Variants in ANK3 observed in about 807,000 individuals in gnomAD.
The protein encoded by ANK3 is ankyrin 3, also known as ankyrin-3.
In ANK3, 57 loss-of-function variants were observed where a neutral mutation model predicts 370.9. That is an observed-to-expected ratio of 0.15 (90% CI 0.12 to 0.19). The LOEUF (loss-of-function observed/expected upper bound fraction) is 0.19. Among genes scored for constraint, ANK3 ranks in the 10% least tolerant of loss-of-function variants. ANK3 has a pLI of 1.00. For missense variants in ANK3, 4,439 were observed against 5,302.1 expected, an observed-to-expected ratio of 0.84 and a Z score of 5.06; for synonymous variants, 1,929 against 1,946.3, an observed-to-expected ratio of 0.99 and a Z score of 0.23.
intron 17 of ANK3, among the ~76,000 whole-genome samples, chr10:60,181,865 T>C (rs1358768661): frequency 6.6e-6 from 1 of 152,136 alleles, no homozygotes; most frequent in Non-Finnish European, 1.5e-5. Context: ...TGACTATCTG[T>C]AGGCTGCATG....
rs533144261 is a variant in ANK3, at chr10:60,329,943, G to T, written c.115-50304C>A. On this transcript the variant is annotated intron_variant, in intron 1 of 43. Coordinates refer to ENST00000280772, the MANE Select transcript of ANK3 (RefSeq NM_020987.5). ...GTACTGGTACCAAGACAGATATATA[G>T]ACCAATGAAACAGAACAGAGGCCTC... Among the ~76,000 whole-genome samples, 216 of 152,210 alleles carry T rather than the reference G, an allele frequency of 1.4e-3. 1 individual carries two copies. Among genetic ancestry groups the T allele is most frequent in the South Asian group, 4.4e-3 (21 of 4,818 alleles).
At chr10:60,180,538 G>A (rs1344042451) in intron 18 of ANK3, among the ~76,000 whole-genome samples, 1 of 141,892 alleles carries the variant, frequency 7.0e-6, no homozygotes, top group Non-Finnish European at 1.5e-5. Context: ...GGAGGTTGCA[G>A]TGAGCCGAGG....
intron 1 of ANK3, among the ~76,000 whole-genome samples, chr10:60,706,361 A>G (rs376885611): frequency 1.3e-5 from 2 of 152,282 alleles, no homozygotes; most frequent in Non-Finnish European, 2.9e-5. Context: ...GCCAGCCCCA[A>G]GGTAACCTCC....
chr10:60,248,546 C>T (rs1461951826), intron 7 of ANK3, among the ~76,000 whole-genome samples: 1 of 152,152 alleles, frequency 6.6e-6, no homozygotes, highest in African/African-American at 2.4e-5. Context: ...AAGGACACCA[C>T]TGATTTTGAC....
At chr10:60,329,085 C>G (rs2050593775) in intron 1 of ANK3, among the ~76,000 whole-genome samples, 1 of 152,116 alleles carries the variant, frequency 6.6e-6, no homozygotes, top group Admixed American at 6.6e-5. Context: ...ATTCAACATC[C>G]CTTCATGCTA....
Position 60,117,200 on chromosome 10 carries a change from A to T in ANK3, c.2842-2869T>A, listed in dbSNP as rs184280216. Among the ~76,000 whole-genome samples, 6 of 152,300 alleles carry T rather than the reference A, an allele frequency of 3.9e-5. No homozygotes were observed. The East Asian group carries it at 1.2e-3, about 29-fold the overall frequency. On this transcript the variant is annotated intron_variant, in intron 25 of 43. Transcript: ENST00000280772. ...CTCTGAGGAAACTAATGGAAGATGT[A>T]CTCCACCAAAGTGAAGGACTGACCC...
chr10:60,519,717 C>T (rs1382088321), intron 2 of ANK3, among the ~76,000 whole-genome samples: 1 of 152,110 alleles, frequency 6.6e-6, no homozygotes, highest in Non-Finnish European at 1.5e-5. Context: ...ATACTGGGGA[C>T]ACTGGGCAAA....
chr10:60,266,657 AAT>A (rs2097884506), intron 5 of ANK3, among the ~76,000 whole-genome samples: 1 of 152,210 alleles, frequency 6.6e-6, no homozygotes, highest in South Asian at 2.1e-4. Context: ...CAGTGACAAG[AAT>A]ATGTTTCCTG....
At position 60,114,316 on chromosome 10, in the gene ANK3, T is replaced by G. The variant is rs961020793; in HGVS notation, c.2857A>C (p.Arg953=). 1 of 1,600,624 alleles carries G rather than the reference T, an allele frequency of 6.2e-7. No homozygotes were observed. The highest frequency in any genetic ancestry group is 8.5e-7 in the Non-Finnish European group (1 of 1,171,892). Residue 953 remains arginine, a synonymous_variant, in exon 26 of 44, where the codon AGG becomes CGG. Coordinates refer to ENST00000280772, the MANE Select transcript of ANK3 (RefSeq NM_020987.5). ...PSKEQHLTFT[R]EFDSDSLRHY... is the part of the protein sequence containing the mutation. ...CTAAGAGAATCTGAATCAAATTCCC[T>G]TGTGAATGTTAGATGCTGAAAAATA... is the stretch of plus-strand genomic sequence containing the variant.
chr10:60,457,141 A>G (rs1290430822), intron 2 of ANK3, among the ~76,000 whole-genome samples: 1 of 152,092 alleles, frequency 6.6e-6, no homozygotes, highest in Non-Finnish European at 1.5e-5. Flanking sequence ...TCATACTCAG[A>G]AGGAGCTCCT....
chr10:60,121,637 G>GCCAAGGTAGTGCTACTGC (rs2093479284), intron 25 of ANK3, among the ~76,000 whole-genome samples: 1 of 150,888 alleles, frequency 6.6e-6, no homozygotes, highest in African/African-American at 2.4e-5. Context: ...GTTGCAGTGA[G>GCCAAGGTAGTGCTACTGC]CCAAGGTAGT....
At chr10:60,547,408 C>A (rs1272249514) in intron 2 of ANK3, among the ~76,000 whole-genome samples, 1 of 151,154 alleles carries the variant, frequency 6.6e-6, no homozygotes, top group Non-Finnish European at 1.5e-5. Context: ...TTTTTCTTTT[C>A]TTTGTTTTTT....
intron 1 of ANK3, among the ~76,000 whole-genome samples, chr10:60,625,597 A>G (rs970941129): frequency 2.0e-5 from 3 of 152,146 alleles, no homozygotes; most frequent in African/African-American, 4.8e-5. Flanking sequence ...AGGCTAATGT[A>G]CTCAATTACA....
chr10:60,277,565 A>T (rs1384709295), intron 4 of ANK3, among the ~76,000 whole-genome samples: 1 of 152,176 alleles, frequency 6.6e-6, no homozygotes, highest in East Asian at 1.9e-4. Context: ...CCATCCAAAG[A>T]TCTCACTTAT....
intron 1 of ANK3, among the ~76,000 whole-genome samples, chr10:60,355,140 G>A (rs975139571): frequency 2.0e-5 from 3 of 152,090 alleles, no homozygotes; most frequent in Non-Finnish European, 4.4e-5. Context: ...CGGGTATTGA[G>A]GCTATTCATG....
intron 1 of ANK3, among the ~76,000 whole-genome samples, chr10:60,386,767 C>T (rs939978139): frequency 6.6e-6 from 1 of 152,182 alleles, no homozygotes; most frequent in Admixed American, 6.5e-5. Flanking sequence ...CAAACCTGAA[C>T]TGCAGGAGTG....
At chr10:60,439,351 T>C (rs936703160) in intron 2 of ANK3, among the ~76,000 whole-genome samples, 2 of 152,110 alleles carry the variant, frequency 1.3e-5, no homozygotes, top group African/African-American at 4.8e-5. Context: ...CAAAAACATT[T>C]TGTTATTTCA....
At chr10:60,178,971 T>A (rs2096063115) in intron 18 of ANK3, among the ~76,000 whole-genome samples, 1 of 152,170 alleles carries the variant, frequency 6.6e-6, no homozygotes, top group African/African-American at 2.4e-5. Context: ...GGGAGAGGAC[T>A]GCAAAGGCTG....
intron 2 of ANK3, among the ~76,000 whole-genome samples, chr10:60,513,630 A>G (rs1047145325): frequency 6.6e-6 from 1 of 152,158 alleles, no homozygotes; most frequent in African/African-American, 2.4e-5. Context: ...ATTTGACAAC[A>G]AATCAATCTC....
Sources: allele counts gnomAD v4.1 joint callset (sites outside exome capture counted in the v4.1 genomes callset), GRCh38; gene constraint gnomAD v4.1.1; transcripts MANE v1.5; gene names NCBI Gene and HGNC (gene_info 2026-07-23, HGNC 2026-07-21).